Variants in MORC1 observed in about 807,000 individuals in gnomAD.
MORC1 encodes MORC family CW-type zinc finger 1.
A neutral mutation model predicts 134.9 loss-of-function variants in MORC1; 59 were observed. That is an observed-to-expected ratio of 0.44 (90% CI 0.35 to 0.54). The LOEUF (loss-of-function observed/expected upper bound fraction) is 0.54. MORC1 is among the 20% of genes least tolerant of loss of function. The probability of loss-of-function intolerance (pLI) is 0.00; values close to 1 mark genes in which losing one functional copy is unlikely to be tolerated. For missense variants in MORC1, 947 were observed against 1,134.5 expected (o/e 0.83, Z 2.37); for synonymous variants, 395 against 391.7 (o/e 1.01, Z -0.10).
intron 17 of MORC1, among the ~76,000 whole-genome samples, chr3:109,024,304 T>C (rs1272005690): frequency 1.3e-5 from 2 of 152,228 alleles, no homozygotes; most frequent in African/African-American, 4.8e-5. Context: ...ATTAAAATTA[T>C]TTTTAACTTT....
chr3:108,998,051 T>G (rs987336599), intron 21 of MORC1, among the ~76,000 whole-genome samples: 1 of 152,168 alleles, frequency 6.6e-6, no homozygotes, highest in Non-Finnish European at 1.5e-5. Context: ...ATAGTTGCAT[T>G]GGTAACATCA....
At chr3:109,043,855 C>CA (rs1002670311) in intron 14 of MORC1, among the ~76,000 whole-genome samples, 1 of 152,000 alleles carries the variant, frequency 6.6e-6, no homozygotes, top group Middle Eastern at 3.2e-3. Context: ...ATGTCTCTTC[C>CA]AAAAAACATT....
intron 17 of MORC1, among the ~76,000 whole-genome samples, chr3:109,022,327 T>G (rs556839043): frequency 6.6e-6 from 1 of 152,342 alleles, no homozygotes; most frequent in Admixed American, 6.5e-5. Context: ...ATTCACATTC[T>G]TCATACAAAG....
intron 8 of MORC1, among the ~76,000 whole-genome samples, chr3:109,089,754 G>C (rs1950680757): frequency 6.6e-6 from 1 of 152,032 alleles, no homozygotes. Context: ...GAAACATCTT[G>C]TTTTCTGTCA....
intron 14 of MORC1, among the ~76,000 whole-genome samples, chr3:109,051,542 T>C (rs1419659275): frequency 1.3e-5 from 2 of 152,144 alleles, no homozygotes; most frequent in African/African-American, 2.4e-5. Flanking sequence ...AAGTGAAATA[T>C]GTGAATAAAT....
At chr3:109,116,639 G>A (rs986417122) in intron 1 of MORC1, among the ~76,000 whole-genome samples, 4 of 152,116 alleles carry the variant, frequency 2.6e-5, no homozygotes, top group Non-Finnish European at 5.9e-5. Context: ...AATTAGCCGG[G>A]CATAGGGGTG....
At chr3:109,098,704 C>G (rs555426287) in intron 6 of MORC1, among the ~76,000 whole-genome samples, 1 of 152,184 alleles carries the variant, frequency 6.6e-6, no homozygotes, top group Admixed American at 6.5e-5. Flanking sequence ...TTTTAAATAC[C>G]CTCACTTTTT....
At chr3:108,981,910 T>A (rs1559869732) in intron 23 of MORC1, among the ~76,000 whole-genome samples, 2 of 152,042 alleles carry the variant, frequency 1.3e-5, no homozygotes, top group African/African-American at 2.4e-5. Context: ...ACAAGTGGGA[T>A]CTAATTAAAC....
chr3:109,075,353 TAA>T (rs1950398177), intron 8 of MORC1, among the ~76,000 whole-genome samples: 1 of 152,142 alleles, frequency 6.6e-6, no homozygotes, highest in South Asian at 2.1e-4. Flanking sequence ...TGGGAATTAT[TAA>T]AAGTTAAGAG....
At chr3:109,063,348 T>C (rs539578245) in intron 9 of MORC1, 117 bp from the exon 10 acceptor site, 2 of 566,972 alleles carry the variant, frequency 3.5e-6, no homozygotes, top group South Asian at 8.0e-5. Context: ...GAAAGATTCA[T>C]CGAGTGAGTT....
Position 109,005,267 on chromosome 3 carries a change from G to C in MORC1, c.1816C>G (p.His606Asp), listed in dbSNP as rs1471638946. Reference protein sequence around the residue: ...KIRLLGDDLKHESLSSFELSA... With the variant: ...KIRLLGDDLKDESLSSFELSA... ...AGCTCAAAGGATGAAAGAGATTCATGCTTCAAGTCATCGCCCAAAAGCCTG... is the reference window on the plus strand; with the variant it reads ...AGCTCAAAGGATGAAAGAGATTCATCCTTCAAGTCATCGCCCAAAAGCCTG... The change falls in exon 19 of 28, where the codon CAT (histidine) becomes GAT (aspartate). Residue 606 changes from histidine (H) to aspartate (D), a missense_variant. Physicochemically the swap from His to Asp is moderately conservative, Grantham distance 81. This residue lies in a region of MORC1 where 722 missense variants were observed against 817.0 expected (regional missense o/e 0.88). Coordinates refer to ENST00000232603, the MANE Select transcript of MORC1 (RefSeq NM_014429.4). The C allele has an allele frequency of 1.2e-6, 2 of 1,610,608 alleles. No homozygotes were observed. The highest frequency in any genetic ancestry group is 4.5e-5 in the East Asian group (2 of 44,842).
Position 109,093,360 on chromosome 3 carries a change from C to A in MORC1, c.689+76G>T. ...GTGCTAAAACCCAGTGACCTCAGAC[C>A]TGGAGCCAGGATGCAGGGCTCCTAA... On this transcript the variant is annotated intron_variant, in intron 8 of 27. Transcript: ENST00000232603. The A allele has an allele frequency of 3.6e-6, 4 of 1,116,736 alleles. No individual in the cohort carries two copies. The South Asian group carries it at 4.0e-5, about 11-fold the overall frequency. The allele number at this position is 1,116,736 out of a possible 1,614,324, so 69.2% of individuals were successfully genotyped here.
chr3:109,114,512 A>G, intron 1 of MORC1, 75 bp from the exon 2 acceptor site: 1 of 1,294,440 alleles, frequency 7.7e-7, no homozygotes, highest in East Asian at 2.4e-5. Flanking sequence ...AGATTCTTGC[A>G]GACAAACGTT....
chr3:108,977,473 T>A (rs1947594340), intron 24 of MORC1, among the ~76,000 whole-genome samples: 1 of 152,142 alleles, frequency 6.6e-6, no homozygotes, highest in South Asian at 2.1e-4. Flanking sequence ...CACCTTGGCC[T>A]CCCAAAGTAC....
chr3:108,975,124 C>T lies in MORC1; in HGVS notation c.2478-3722G>A, dbSNP rs578255177. Reference sequence around the variant, plus strand: ...AAACATGGTAGACATGGGCAGGAGTCCATAGAGTTACCTGGTCATCCAGCT... The same window carrying T: ...AAACATGGTAGACATGGGCAGGAGTTCATAGAGTTACCTGGTCATCCAGCT... On this transcript the variant is annotated intron_variant, in intron 24 of 27. Transcript: ENST00000232603. Among the ~76,000 whole-genome samples, 4 of 152,282 alleles carry T rather than the reference C, an allele frequency of 2.6e-5. No homozygotes were observed. In the South Asian group the frequency reaches 8.3e-4, roughly 32 times the overall value.
intron 14 of MORC1, among the ~76,000 whole-genome samples, chr3:109,039,384 C>A (rs1451970080): frequency 6.6e-6 from 1 of 152,150 alleles, no homozygotes; most frequent in Admixed American, 6.5e-5. Flanking sequence ...ACTGCAGTAA[C>A]CTGCCTTGCA....
chr3:109,096,810 G>A (rs1310463750), intron 6 of MORC1, among the ~76,000 whole-genome samples: 2 of 151,890 alleles, frequency 1.3e-5, no homozygotes, highest in South Asian at 2.1e-4. Flanking sequence ...TCTCTCTTGG[G>A]GTCTGGGATC....
At chr3:109,003,391 G>GAACACACACACA (rs1553746837) in intron 20 of MORC1, among the ~76,000 whole-genome samples, 1 of 146,650 alleles carries the variant, frequency 6.8e-6, no homozygotes, top group Non-Finnish European at 1.5e-5. Flanking sequence ...ATATGTGTAT[G>GAACACACACACA]CACACACACA....
chr3:109,047,154 G>T (rs532508932), intron 14 of MORC1, among the ~76,000 whole-genome samples: 1 of 152,272 alleles, frequency 6.6e-6, no homozygotes, highest in Admixed American at 6.5e-5. Flanking sequence ...CCCATATACA[G>T]TACAACTGTA....
Sources: gnomAD v4.1 joint callset for allele counts (sites outside exome capture counted in the v4.1 genomes callset) on GRCh38, gnomAD v4.1.1 for gene constraint, gnomAD v4.1.1 regional missense constraint, MANE v1.5 for transcripts, NCBI Gene and HGNC (gene_info 2026-07-23, HGNC 2026-07-21) for gene names.